Variants in PUDP observed in about 807,000 individuals in gnomAD.
The protein encoded by PUDP is pseudouridine 5'-phosphatase.
In PUDP, 8 loss-of-function variants were observed where a neutral mutation model predicts 9.4. The ratio of observed to expected loss-of-function variants is 0.85; its 90% CI spans 0.50 to 1.53. The LOEUF (loss-of-function observed/expected upper bound fraction) is 1.53. Ranked by LOEUF, PUDP falls within the 40% of genes most tolerant of loss-of-function variation. PUDP has a pLI of 0.00. For missense variants in PUDP, 188 were observed against 189.7 expected (o/e 0.99, Z 0.05); for synonymous variants, 99 against 80.7 (o/e 1.23, Z -1.22).
At chrX:6,908,433 T>C (rs1249967472) in intron 3 of PUDP, among the ~76,000 whole-genome samples, 1 of 112,088 alleles carries the variant, frequency 8.9e-6, no homozygotes, top group Non-Finnish European at 1.9e-5. Context: ...AAAGTTGTAA[T>C]ACTCATGCTT....
chrX:7,118,067 G>A (rs752460740), intron 1 of PUDP, among the ~76,000 whole-genome samples: 1 of 113,163 alleles, frequency 8.8e-6, no homozygotes, highest in Admixed American at 9.3e-5. Flanking sequence ...AATACAATAT[G>A]TCCTAATACA....
intron 3 of PUDP, among the ~76,000 whole-genome samples, chrX:6,944,668 T>C (rs1373957089): frequency 9.0e-6 from 1 of 111,017 alleles, no homozygotes; most frequent in Non-Finnish European, 1.9e-5. Flanking sequence ...TGGGTCCCTA[T>C]AGAAACAAAA....
intron 1 of PUDP, among the ~76,000 whole-genome samples, chrX:7,019,006 T>G (rs901329192): frequency 3.6e-5 from 4 of 111,933 alleles, no homozygotes; most frequent in Non-Finnish European, 5.6e-5. Context: ...ATTAAGAAAA[T>G]TAATCCTTTA....
intron 3 of PUDP, among the ~76,000 whole-genome samples, chrX:6,846,130 AT>A (rs1295858242): frequency 9.0e-6 from 1 of 111,450 alleles, no homozygotes; most frequent in Non-Finnish European, 1.9e-5. Context: ...AACATTGGAA[AT>A]TTTTTTTGAA....
rs1219254851 is a variant in PUDP at position 6,844,658 on chromosome X, A to T, written c.*247+132475T>A. ...GATATATAGGTATAGATATAAACAC[A>T]GATATAGATATGGAGATATACAAGA... On this transcript the variant is annotated intron_variant and NMD_transcript_variant, in intron 3 of 3. Coordinates refer to the PUDP transcript ENST00000655425. Among the ~76,000 whole-genome samples, 3 of 112,320 alleles carry T rather than the reference A, an allele frequency of 2.7e-5. No homozygotes were observed. The South Asian group carries it at 1.1e-3, about 41-fold the overall frequency.
At chrX:7,086,146 C>T (rs1169543579) in intron 2 of PUDP, among the ~76,000 whole-genome samples, 1 of 111,654 alleles carries the variant, frequency 9.0e-6, no homozygotes, top group Non-Finnish European at 1.9e-5. Context: ...TGCCCAGTCA[C>T]CTCTGGGATA....
chrX:6,781,510 T>G (rs1397561378), intron 3 of PUDP, among the ~76,000 whole-genome samples: 1 of 111,900 alleles, frequency 8.9e-6, no homozygotes, highest in African/African-American at 3.2e-5. Flanking sequence ...ACAGGTAGGT[T>G]CCTGCCTCTC....
At chrX:6,985,538 A>G (rs759312459) in intron 1 of PUDP, among the ~76,000 whole-genome samples, 4 of 110,707 alleles carry the variant, frequency 3.6e-5, no homozygotes, top group African/African-American at 9.9e-5. Flanking sequence ...TAAAATCTTC[A>G]TGCTTTAAGG....
At chrX:7,005,852 C>G (rs1248818836) in intron 1 of PUDP, among the ~76,000 whole-genome samples, 1 of 111,476 alleles carries the variant, frequency 9.0e-6, no homozygotes, top group East Asian at 2.8e-4. Context: ...TTCCTCCTCC[C>G]CACCCCGGGT....
chrX:7,104,680 C>A (rs888640062), intron 2 of PUDP, among the ~76,000 whole-genome samples: 3 of 111,466 alleles, frequency 2.7e-5, no homozygotes, highest in African/African-American at 9.8e-5. Context: ...CTGAGTATCA[C>A]GATGCTCGTA....
chrX:7,043,917 A>G (rs1413269147), intron 1 of PUDP, among the ~76,000 whole-genome samples: 3 of 112,441 alleles, frequency 2.7e-5, no homozygotes, highest in African/African-American at 6.5e-5. Context: ...ATGCTATTCT[A>G]TAAGAACTTT....
At chrX:7,117,847 C>T (rs1417298187) in intron 1 of PUDP, among the ~76,000 whole-genome samples, 4 of 113,044 alleles carry the variant, frequency 3.5e-5, no homozygotes, top group Non-Finnish European at 7.5e-5. Context: ...TTTCCTGAGC[C>T]ACGCCCAGGG....
intron 3 of PUDP, among the ~76,000 whole-genome samples, chrX:6,933,263 G>C (rs780115076): frequency 9.1e-6 from 1 of 109,785 alleles, no homozygotes; most frequent in South Asian, 4.0e-4. Flanking sequence ...CACTTCACAT[G>C]GCCGGGTACT....
chrX:6,753,404 G>C (rs1172034585), intron 3 of PUDP, among the ~76,000 whole-genome samples: 4 of 111,827 alleles, frequency 3.6e-5, no homozygotes, highest in Non-Finnish European at 7.5e-5. Flanking sequence ...CTACATTTTT[G>C]CAATTGCAAA....
chrX:6,958,547 A>G (rs1476931231), intron 3 of PUDP, among the ~76,000 whole-genome samples: 3 of 111,062 alleles, frequency 2.7e-5, no homozygotes, highest in Non-Finnish European at 5.6e-5. Flanking sequence ...ACTTTTTACA[A>G]TGGTGAAACC....
upstream of PUDP, among the ~76,000 whole-genome samples, chrX:6,724,816 C>T (rs111672489): frequency 1.3e-4 from 14 of 111,441 alleles, no homozygotes; most frequent in African/African-American, 4.2e-4. Context: ...CCATGAGCTG[C>T]GGAGAAACTG....
chrX:6,894,807 G>A (rs867050122), intron 3 of PUDP, among the ~76,000 whole-genome samples: 1 of 111,828 alleles, frequency 8.9e-6, no homozygotes, highest in African/African-American at 3.2e-5. Flanking sequence ...GGAATCAGTC[G>A]TTCGACCCTG....
Position 7,020,007 on chromosome X carries a change from G to A in PUDP, c.205-41664C>T, listed in dbSNP as rs1280717932. On this transcript the variant is annotated intron_variant and NMD_transcript_variant, in intron 1 of 3. Coordinates refer to the PUDP transcript ENST00000655425. ...AAAAAAAGGAATAGTATTGGAAGGA[G>A]GATGCAGGAAGAATGAGAGAGAGAG... 4.5e-5 allele frequency among the ~76,000 whole-genome samples: 5 copies of A among 110,077 alleles called. No homozygotes were observed. In the Admixed American group the frequency reaches 4.9e-4, roughly 11 times the overall value.
At chrX:7,061,642 CACA>C (rs1712890666) in intron 3 of PUDP, among the ~76,000 whole-genome samples, 1 of 101,371 alleles carries the variant, frequency 9.9e-6, no homozygotes, top group African/African-American at 3.6e-5. Context: ...AAAGTCAACA[CACA>C]ACATTTCATA....
Sources: allele counts gnomAD v4.1 joint callset (sites outside exome capture counted in the v4.1 genomes callset), GRCh38; gene constraint gnomAD v4.1.1; transcripts MANE v1.5; gene names NCBI Gene and HGNC (gene_info 2026-07-23, HGNC 2026-07-21).